The following PCDH9 variants were observed in gnomAD, a reference collection of about 807,000 sequenced individuals.
PCDH9 encodes protocadherin-9.
In PCDH9, 24 loss-of-function variants were observed where a neutral mutation model predicts 70.6. The observed-to-expected ratio is 0.34, with a 90% CI of 0.25 to 0.48. PCDH9 has a LOEUF of 0.48. Among genes scored for constraint, PCDH9 ranks in the 20% least tolerant of loss-of-function variants. The pLI is 0.99. For missense variants in PCDH9, 1,281 were observed against 1,503.6 expected (o/e 0.85, Z 2.45); for synonymous variants, 562 against 558.5 (o/e 1.01, Z -0.09).
intron 4 of PCDH9, among the ~76,000 whole-genome samples, chr13:66,407,322 A>G (rs1280627773): frequency 6.6e-6 from 1 of 152,212 alleles, no homozygotes; most frequent in Non-Finnish European, 1.5e-5. Flanking sequence ...CTTCTAATCT[A>G]TGTTCACTCT....
intron 4 of PCDH9, among the ~76,000 whole-genome samples, chr13:66,342,068 T>C (rs1404633142): frequency 2.6e-5 from 4 of 152,200 alleles, no homozygotes; most frequent in Non-Finnish European, 4.4e-5. Flanking sequence ...AGAGAGAAAC[T>C]TGACATCATT....
At chr13:66,710,140 G>A (rs1018972074) in intron 3 of PCDH9, among the ~76,000 whole-genome samples, 2 of 152,036 alleles carry the variant, frequency 1.3e-5, no homozygotes, top group African/African-American at 2.4e-5. Context: ...GAGACTTATG[G>A]ACTGAAATCT....
intron 2 of PCDH9, among the ~76,000 whole-genome samples, chr13:67,189,025 C>T (rs2088837028): frequency 1.3e-5 from 2 of 151,958 alleles, no homozygotes; most frequent in African/African-American, 4.8e-5. Context: ...CAACTTATGA[C>T]TGAGAACATA....
chr13:67,006,842 C>G (rs764248019), intron 2 of PCDH9, among the ~76,000 whole-genome samples: 3 of 152,026 alleles, frequency 2.0e-5, no homozygotes, highest in South Asian at 4.2e-4. Flanking sequence ...ATAATAATGA[C>G]TTCATTACAA....
chr13:66,651,235 T>G (rs2077847586), intron 3 of PCDH9, among the ~76,000 whole-genome samples: 1 of 151,604 alleles, frequency 6.6e-6, no homozygotes, highest in Non-Finnish European at 1.5e-5. Context: ...AACAAAAAAG[T>G]GTTTTTTAAA....
chr13:66,540,130 G>A (rs897947008), intron 4 of PCDH9, among the ~76,000 whole-genome samples: 2 of 151,744 alleles, frequency 1.3e-5, no homozygotes, highest in Non-Finnish European at 2.9e-5. Context: ...CCCACCTCAG[G>A]TGCCAAAGTG....
At chr13:67,120,859 A>G (rs1251066257) in intron 2 of PCDH9, among the ~76,000 whole-genome samples, 1 of 152,114 alleles carries the variant, frequency 6.6e-6, no homozygotes, top group Non-Finnish European at 1.5e-5. Context: ...TGCAATAAAG[A>G]GCCAGTATAT....
chr13:66,428,663 T>C (rs1957715499), intron 4 of PCDH9, among the ~76,000 whole-genome samples: 1 of 151,786 alleles, frequency 6.6e-6, no homozygotes, highest in Non-Finnish European at 1.5e-5. Context: ...TATATATGTA[T>C]TTCTAAAACG....
intron 2 of PCDH9, among the ~76,000 whole-genome samples, chr13:66,909,022 G>A (rs974128064): frequency 2.0e-5 from 3 of 152,112 alleles, no homozygotes; most frequent in Non-Finnish European, 4.4e-5. Context: ...TGATATGAAG[G>A]AAATGTTACC....
chr13:67,043,222 T>C (rs2085156802), intron 2 of PCDH9, among the ~76,000 whole-genome samples: 2 of 152,214 alleles, frequency 1.3e-5, no homozygotes, highest in African/African-American at 4.8e-5. Flanking sequence ...AGAAAGTTCC[T>C]GTTGGAATCA....
At chr13:67,095,640 A>G (rs2086304660) in intron 2 of PCDH9, among the ~76,000 whole-genome samples, 1 of 152,130 alleles carries the variant, frequency 6.6e-6, no homozygotes, top group Non-Finnish European at 1.5e-5. Context: ...TCTGCTCTTC[A>G]GTTTCTTCTA....
chr13:66,706,670 G>A (rs533245442), intron 3 of PCDH9, among the ~76,000 whole-genome samples: 1 of 152,342 alleles, frequency 6.6e-6, no homozygotes, highest in South Asian at 2.1e-4. Context: ...AATTGTGACT[G>A]AGAAGCTAAG....
At chr13:66,708,403 G>GTTTTTT (rs36087870) in intron 3 of PCDH9, among the ~76,000 whole-genome samples, 30 of 136,966 alleles carry the variant, frequency 2.2e-4, no homozygotes, top group Non-Finnish European at 3.1e-4. Context: ...TTGAGATTTA[G>GTTTTTT]TTTTTTTTTT....
chr13:66,482,513 T>C (rs1474046577), intron 4 of PCDH9, among the ~76,000 whole-genome samples: 1 of 152,140 alleles, frequency 6.6e-6, no homozygotes, highest in Non-Finnish European at 1.5e-5. Context: ...TCTCAAAAAA[T>C]AGAATCAAAT....
At chr13:66,717,662 G>C (rs944901589) in intron 3 of PCDH9, among the ~76,000 whole-genome samples, 1 of 151,496 alleles carries the variant, frequency 6.6e-6, no homozygotes, top group Non-Finnish European at 1.5e-5. Flanking sequence ...CTTTAGAACA[G>C]AGCAAAATGT....
At chr13:66,812,637 T>C (rs748633606) in intron 3 of PCDH9, among the ~76,000 whole-genome samples, 6 of 152,140 alleles carry the variant, frequency 3.9e-5, no homozygotes, top group Non-Finnish European at 8.8e-5. Context: ...TACCATAAAA[T>C]AGAACAAGGC....
rs183584564 is a variant in PCDH9, at chr13:66,348,870, C to T, written c.3341-43842G>A. On this transcript the variant is annotated intron_variant, in intron 4 of 4. Transcript: ENST00000377865. Reference sequence around the variant, plus strand: ...TTTATTTTCTGAAAACCATGTTGTTCTTCCTCTGTATAATACTCATACCCC... The same window carrying T: ...TTTATTTTCTGAAAACCATGTTGTTTTTCCTCTGTATAATACTCATACCCC... 1.7e-4 allele frequency among the ~76,000 whole-genome samples: 26 copies of T among 152,154 alleles called. No individual in the cohort carries two copies. In the East Asian group the frequency reaches 4.6e-3, roughly 27 times the overall value.
At chr13:66,788,959 A>G (rs2080122834) in intron 3 of PCDH9, among the ~76,000 whole-genome samples, 1 of 152,116 alleles carries the variant, frequency 6.6e-6, no homozygotes, top group Non-Finnish European at 1.5e-5. Context: ...TAGCACATCT[A>G]GAATTGTCCT....
intron 2 of PCDH9, among the ~76,000 whole-genome samples, chr13:66,931,631 G>A (rs2082809985): frequency 6.6e-6 from 1 of 152,138 alleles, no homozygotes. Context: ...CTAATGCATT[G>A]TAGTTCTAGT....
Sources: gnomAD v4.1 joint callset for allele counts (sites outside exome capture counted in the v4.1 genomes callset) on GRCh38, gnomAD v4.1.1 for gene constraint, MANE v1.5 for transcripts, NCBI Gene and HGNC (gene_info 2026-07-23, HGNC 2026-07-21) for gene names.